Variants in EIF2AK2 observed in about 807,000 individuals in gnomAD.
EIF2AK2 encodes the protein interferon-induced, double-stranded RNA-activated protein kinase.
In EIF2AK2, 40 loss-of-function variants were observed where a neutral mutation model predicts 70.5. That is an observed-to-expected ratio of 0.57 (90% CI 0.44 to 0.74). The LOEUF is 0.74. EIF2AK2 is among the 30% of genes least tolerant of loss of function. The probability of loss-of-function intolerance (pLI) is 0.00; values close to 1 mark genes in which losing one functional copy is unlikely to be tolerated. For synonymous variants in EIF2AK2, 198 were observed against 220.9 expected (o/e 0.90, Z 0.92); for missense variants, 555 against 644.3 (o/e 0.86, Z 1.50).
At position 37,130,603 on chromosome 2, in the gene EIF2AK2, C is replaced by T. The variant is rs367666725; in HGVS notation, c.786-4192G>A. 3.3e-5 allele frequency among the ~76,000 whole-genome samples: 5 copies of T among 152,186 alleles called. No homozygotes were observed. The South Asian group carries it at 1.0e-3, about 32-fold the overall frequency. On this transcript the variant is annotated intron_variant, in intron 10 of 16. Coordinates refer to ENST00000233057, the MANE Select transcript of EIF2AK2 (RefSeq NM_001135651.3). ...TACTAGCTATTTCTCTGCATTAGACCTCAAAGATGCCTTTTATATTATCCC... is the reference window on the plus strand; with the variant it reads ...TACTAGCTATTTCTCTGCATTAGACTTCAAAGATGCCTTTTATATTATCCC...
chr2:37,109,876 A>G (rs1032839190), intron 14 of EIF2AK2, among the ~76,000 whole-genome samples: 5 of 152,224 alleles, frequency 3.3e-5, no homozygotes, highest in African/African-American at 1.2e-4. Flanking sequence ...GAACTAAGCT[A>G]TGGTGATAGA....
At chr2:37,153,628 A>G (rs1675822003) in intron 1 of EIF2AK2, among the ~76,000 whole-genome samples, 1 of 152,104 alleles carries the variant, frequency 6.6e-6, no homozygotes, top group South Asian at 2.1e-4. Context: ...AAATGTCTTC[A>G]AGGTTCATCT....
At chr2:37,155,068 G>A (rs1490632836) in intron 1 of EIF2AK2, among the ~76,000 whole-genome samples, 3 of 151,780 alleles carry the variant, frequency 2.0e-5, no homozygotes, top group Non-Finnish European at 4.4e-5. Context: ...CTCCAGGTTT[G>A]TGGCTTTAAA....
At chr2:37,133,782 T>G (rs1272641261) in intron 10 of EIF2AK2, among the ~76,000 whole-genome samples, 1 of 152,212 alleles carries the variant, frequency 6.6e-6, no homozygotes, top group Non-Finnish European at 1.5e-5. Flanking sequence ...TTACAGACCT[T>G]CAGTGGTATC....
chr2:37,143,891 C>T (rs906640923), intron 4 of EIF2AK2, among the ~76,000 whole-genome samples: 2 of 151,750 alleles, frequency 1.3e-5, no homozygotes, highest in African/African-American at 2.4e-5. Context: ...TCTCAAAAAA[C>T]GACAACAACA....
At position 37,156,910 on chromosome 2, in the gene EIF2AK2, G is replaced by GCGC. The variant is rs564207041; in HGVS notation, c.-189_-187dup. 0.022 allele frequency: 3,958 copies of GCGC among 182,882 alleles called. 68 individuals carry two copies. The highest frequency in any genetic ancestry group is 0.048 in the Middle Eastern group (19 of 392). The allele number at this position is 182,882 out of a possible 1,614,324, so 11.3% of individuals were successfully genotyped here. ...CGGCTGCCCCCTGCCCTGCTCACCTGCGCCGCCGCCGCCGCCGCCGCCGCC... is the reference window on the plus strand; with the variant it reads ...CGGCTGCCCCCTGCCCTGCTCACCTGCGCCGCCGCCGCCGCCGCCGCCGCCGCC... On this transcript the variant is annotated 5_prime_UTR_variant, in exon 1 of 17. Transcript: ENST00000233057.
rs1673806348 is a variant in EIF2AK2 at position 37,100,668 on chromosome 2, A to G, written c.*6605T>C. 4 of 152,228 alleles carry G rather than the reference A, an allele frequency of 2.6e-5. No homozygotes were observed. The highest frequency in any genetic ancestry group is 2.6e-4 in the Admixed American group (4 of 15,278). The allele number at this position is 152,228 out of a possible 1,614,324, so 9.4% of individuals were successfully genotyped here. ...GACATTGAGGCCTGGATGGCCGTTT[A>G]GAGAGAAAGAGTTAACATTTCAGTG... On this transcript the variant is annotated 3_prime_UTR_variant, in exon 17 of 17. Transcript: ENST00000233057.
intron 1 of EIF2AK2, among the ~76,000 whole-genome samples, chr2:37,156,417 T>C (rs1675929924): frequency 6.6e-6 from 1 of 151,888 alleles, no homozygotes; most frequent in African/African-American, 2.4e-5. Context: ...GGTTCAGGGG[T>C]GAGGATACGG....
At chr2:37,127,208 T>C (rs1307445399) in intron 10 of EIF2AK2, among the ~76,000 whole-genome samples, 2 of 152,052 alleles carry the variant, frequency 1.3e-5, no homozygotes, top group Admixed American at 1.3e-4. Flanking sequence ...ATTGCTGGTA[T>C]CCACCCGCTT....
chr2:37,117,155 G>A (rs1425946074), intron 13 of EIF2AK2, among the ~76,000 whole-genome samples: 1 of 150,940 alleles, frequency 6.6e-6, no homozygotes, highest in Non-Finnish European at 1.5e-5. Context: ...AGAGGCTGCA[G>A]TGAGCCGAGA....
intron 14 of EIF2AK2, 30 bp from the exon 15 acceptor site, chr2:37,109,325 T>A: frequency 6.3e-7 from 1 of 1,586,310 alleles, no homozygotes; most frequent in Non-Finnish European, 8.6e-7. Flanking sequence ...TTTACCTTTG[T>A]TATGCTCCTT....
intron 10 of EIF2AK2, among the ~76,000 whole-genome samples, chr2:37,131,607 G>T (rs762435379): frequency 6.6e-6 from 1 of 151,936 alleles, no homozygotes; most frequent in Non-Finnish European, 1.5e-5. Flanking sequence ...ACTGATTTTG[G>T]ACCCTGACCA....
intron 10 of EIF2AK2, among the ~76,000 whole-genome samples, chr2:37,132,171 T>C (rs1365205341): frequency 6.6e-6 from 1 of 152,146 alleles, no homozygotes; most frequent in East Asian, 1.9e-4. Context: ...TTCTCTAGTA[T>C]CTATTTCCCC....
intron 13 of EIF2AK2, among the ~76,000 whole-genome samples, chr2:37,118,807 G>C (rs1398162840): frequency 6.6e-6 from 1 of 152,164 alleles, no homozygotes; most frequent in East Asian, 1.9e-4. Context: ...TCCTCTCTGA[G>C]CCCAATAAAC....
At chr2:37,150,044 G>A (rs1325804280) in intron 1 of EIF2AK2, among the ~76,000 whole-genome samples, 2 of 152,072 alleles carry the variant, frequency 1.3e-5, no homozygotes, top group South Asian at 4.2e-4. Flanking sequence ...TGTTCTTCCT[G>A]CTGTGCATTC....
At chr2:37,147,665 T>C in intron 3 of EIF2AK2, 23 bp downstream of exon 3, 1 of 1,469,086 alleles carries the variant, frequency 6.8e-7, no homozygotes, top group East Asian at 2.3e-5. Context: ...ATGGCTGCCA[T>C]ATCATTTTTT....
chr2:37,154,381 A>T (rs1675850114), intron 1 of EIF2AK2, among the ~76,000 whole-genome samples: 1 of 152,100 alleles, frequency 6.6e-6, no homozygotes, highest in Admixed American at 6.6e-5. Flanking sequence ...TCAATCATGC[A>T]GTCTCCACAA....
At chr2:37,134,568 T>C (rs945631288) in intron 10 of EIF2AK2, among the ~76,000 whole-genome samples, 1 of 152,204 alleles carries the variant, frequency 6.6e-6, no homozygotes, top group Non-Finnish European at 1.5e-5. Context: ...TCAACATCAA[T>C]GCAATGGTGC....
intron 8 of EIF2AK2, among the ~76,000 whole-genome samples, chr2:37,137,557 C>T (rs750842269): frequency 8.5e-5 from 13 of 152,214 alleles, no homozygotes; most frequent in Non-Finnish European, 1.5e-4. Flanking sequence ...GATCCTCCTA[C>T]CTTGGCCTCT....
Sources: allele counts gnomAD v4.1 joint callset (sites outside exome capture counted in the v4.1 genomes callset), GRCh38; gene constraint gnomAD v4.1.1; transcripts MANE v1.5; gene names NCBI Gene and HGNC (gene_info 2026-07-23, HGNC 2026-07-21).